The following SP4 variants were observed in gnomAD, a reference collection of about 807,000 sequenced individuals.
SP4 encodes the protein Sp4 transcription factor, also known as transcription factor Sp4.
A neutral mutation model predicts 72.8 loss-of-function variants in SP4; 19 were observed. That is an observed-to-expected ratio of 0.26 (90% CI 0.18 to 0.38). SP4 has a LOEUF of 0.38. Among genes scored for constraint, SP4 ranks in the 10% least tolerant of loss-of-function variants. SP4 has a pLI of 1.00. For synonymous variants in SP4, 395 were observed against 333.1 expected, an observed-to-expected ratio of 1.19 and a Z score of -2.02; for missense variants, 1,008 against 926.3, an observed-to-expected ratio of 1.09 and a Z score of -1.14.
intron 3 of SP4, among the ~76,000 whole-genome samples, chr7:21,453,807 T>C (rs1240017371): frequency 1.3e-5 from 2 of 152,232 alleles, no homozygotes; most frequent in Non-Finnish European, 2.9e-5. Context: ...ATAGTCTGAA[T>C]AGTACCCCTT....
intron 5 of SP4, among the ~76,000 whole-genome samples, chr7:21,494,222 A>T (rs1785051409): frequency 6.6e-6 from 1 of 152,224 alleles, no homozygotes; most frequent in South Asian, 2.1e-4. Context: ...TGGAATCAGG[A>T]ACAAGGTAAA....
chr7:21,436,164 G>A (rs1435172767), intron 3 of SP4, among the ~76,000 whole-genome samples: 1 of 152,176 alleles, frequency 6.6e-6, no homozygotes, highest in Non-Finnish European at 1.5e-5. Flanking sequence ...CTCCCAAAGT[G>A]CTGGGATTAC....
chr7:21,495,948 A>G (rs968587243), intron 5 of SP4, among the ~76,000 whole-genome samples: 1 of 152,234 alleles, frequency 6.6e-6, no homozygotes, highest in Non-Finnish European at 1.5e-5. Flanking sequence ...AAACAGCCAC[A>G]TGGATGAAAC....
At chr7:21,486,922 A>G (rs747294793) in intron 5 of SP4, among the ~76,000 whole-genome samples, 1 of 152,198 alleles carries the variant, frequency 6.6e-6, no homozygotes, top group Non-Finnish European at 1.5e-5. Flanking sequence ...CTTTTTTACA[A>G]ATAAAATACT....
At chr7:21,433,347 A>C (rs1782930097) in intron 3 of SP4, among the ~76,000 whole-genome samples, 1 of 152,156 alleles carries the variant, frequency 6.6e-6, no homozygotes, top group Non-Finnish European at 1.5e-5. Context: ...AATTTTGTCG[A>C]TGTTGTTTAT....
At chr7:21,428,984 A>G in intron 2 of SP4, 192 bp downstream of exon 2, 1 of 598,796 alleles carries the variant, frequency 1.7e-6, no homozygotes, top group South Asian at 2.3e-5. Flanking sequence ...TTAAAATTAC[A>G]TCAGGAATTC....
chr7:21,463,680 T>C (rs920300123), intron 3 of SP4, among the ~76,000 whole-genome samples: 2 of 152,208 alleles, frequency 1.3e-5, no homozygotes, highest in African/African-American at 4.8e-5. Flanking sequence ...GCCTGACTTC[T>C]TGGAGGAAGA....
Position 21,477,559 on chromosome 7 carries a change from T to G in SP4, c.1907+252T>G, listed in dbSNP as rs945279870. ...CCACCCCTCCCCCACCCCAACAAGA[T>G]GGAGTGTCACTCTGCTGCCTAGGCT... On this transcript the variant is annotated intron_variant, in intron 4 of 5. Transcript: ENST00000222584. 2.3e-4 allele frequency among the ~76,000 whole-genome samples: 32 copies of G among 140,506 alleles called. 1 individual carries two copies. Among genetic ancestry groups the G allele is most frequent in the Non-Finnish European group, 1.7e-4 (11 of 65,454 alleles). The allele number at this position is 140,506 out of a possible 152,430, so 92.2% of individuals were successfully genotyped here.
intron 2 of SP4, 101 bp downstream of exon 2, chr7:21,428,893 C>G: frequency 1.1e-6 from 1 of 911,690 alleles, no homozygotes; most frequent in Non-Finnish European, 1.7e-6. Context: ...AATGTTTATC[C>G]ACTCAAAGCA....
rs778342026 is a variant in SP4 at position 21,461,063 on chromosome 7, AT to A, written c.1679-16013del. 5.2e-4 allele frequency among the ~76,000 whole-genome samples: 79 copies of A among 152,244 alleles called. 1 individual carries two copies. The highest frequency in any genetic ancestry group is 9.1e-4 in the Non-Finnish European group (62 of 68,030). On this transcript the variant is annotated intron_variant, in intron 3 of 5. Coordinates refer to ENST00000222584, the MANE Select transcript of SP4 (RefSeq NM_003112.5). ...CTAGATACAGAGTGCTGATTGGTGTATTTACAATCCCCTAGCTAGACGTAAA... is the reference window on the plus strand; with the variant it reads ...CTAGATACAGAGTGCTGATTGGTGTATTACAATCCCCTAGCTAGACGTAAA...
chr7:21,430,971 A>G (rs2128389036), intron 3 of SP4, 128 bp downstream of exon 3: 2 of 657,018 alleles, frequency 3.0e-6, no homozygotes, highest in East Asian at 5.4e-5. Context: ...AACCAGAAAT[A>G]GCAATATTAT....
intron 3 of SP4, among the ~76,000 whole-genome samples, chr7:21,442,908 C>A (rs1288159270): frequency 6.6e-6 from 1 of 151,948 alleles, no homozygotes; most frequent in Non-Finnish European, 1.5e-5. Context: ...GCTAATTTTT[C>A]TATTTTTAGT....
At chr7:21,475,502 C>T (rs1447440653) in intron 3 of SP4, among the ~76,000 whole-genome samples, 1 of 151,844 alleles carries the variant, frequency 6.6e-6, no homozygotes, top group Admixed American at 6.6e-5. Context: ...GAGTCTCGCT[C>T]TGTCGCCCAG....
chr7:21,490,063 A>G (rs193105463), intron 5 of SP4, among the ~76,000 whole-genome samples: 2 of 152,238 alleles, frequency 1.3e-5, no homozygotes, highest in African/African-American at 2.4e-5. Context: ...TGTCTGTTCC[A>G]TTGACTACAC....
intron 5 of SP4, among the ~76,000 whole-genome samples, chr7:21,483,760 C>T (rs1784746699): frequency 6.6e-6 from 1 of 151,572 alleles, no homozygotes. Flanking sequence ...TAAGCCTTGA[C>T]TTCTTTTTGG....
In SP4 at chr7:21,489,868, G is replaced by A. The variant is rs547430371; in HGVS notation, c.2107+7745G>A. Among the ~76,000 whole-genome samples the A allele has an allele frequency of 3.4e-4, 52 of 151,762 alleles. No individual in the cohort carries two copies. The South Asian group carries it at 8.6e-3, about 25-fold the overall frequency. On this transcript the variant is annotated intron_variant, in intron 5 of 5. Coordinates refer to ENST00000222584, the MANE Select transcript of SP4 (RefSeq NM_003112.5). The stretch of plus-strand genomic sequence containing the variant: ...CCACTGTGCCCAGCCCCAGGCTGGC[G>A]TTAAACTCCTATCCTCAAGTGATCC...
intron 5 of SP4, among the ~76,000 whole-genome samples, chr7:21,491,065 A>G (rs891603270): frequency 1.3e-5 from 2 of 152,312 alleles, no homozygotes; most frequent in African/African-American, 4.8e-5. Context: ...TTATTAAGAG[A>G]GAAGATAACA....
intron 5 of SP4, among the ~76,000 whole-genome samples, chr7:21,501,159 C>T (rs1278992952): frequency 1.3e-5 from 2 of 152,092 alleles, no homozygotes; most frequent in Non-Finnish European, 2.9e-5. Context: ...GCTTAAGTTT[C>T]GATTTCCCAA....
intron 3 of SP4, among the ~76,000 whole-genome samples, chr7:21,434,424 G>C (rs1782978294): frequency 6.6e-6 from 1 of 152,110 alleles, no homozygotes; most frequent in Admixed American, 6.5e-5. Flanking sequence ...CAACCTAGGG[G>C]GATCCTCTTC....
Sources: allele counts gnomAD v4.1 joint callset (sites outside exome capture counted in the v4.1 genomes callset), GRCh38; gene constraint gnomAD v4.1.1; transcripts MANE v1.5; gene names NCBI Gene and HGNC (gene_info 2026-07-23, HGNC 2026-07-21).